The following SAMD5 variants were observed in gnomAD, a reference collection of about 807,000 sequenced individuals.
The protein encoded by SAMD5 is sterile alpha motif domain-containing protein 5.
Under a neutral mutation model 11.3 loss-of-function variants are expected in SAMD5, and 13 were observed. The ratio of observed to expected loss-of-function variants is 1.15; its 90% confidence interval spans 0.75 to 1.83. SAMD5 has a LOEUF of 1.83. Among genes scored for constraint, SAMD5 ranks in the 40% most tolerant of loss-of-function variants. SAMD5 has a pLI of 0.00. For synonymous variants in SAMD5, 129 were observed against 111.3 expected, an observed-to-expected ratio of 1.16 and a Z score of -1.00; for missense variants, 255 against 239.1, an observed-to-expected ratio of 1.07 and a Z score of -0.44.
the SAMD5 span, among the ~76,000 whole-genome samples, chr6:147,794,987 T>C: frequency 6.6e-6 from 1 of 151,972 alleles, no homozygotes; most frequent in African/African-American, 2.4e-5. Context: ...TTAAAGAGTA[T>C]GTACTATACA....
At chr6:147,610,783 G>A (rs1789771778) in intron 1 of SAMD5, among the ~76,000 whole-genome samples, 1 of 152,076 alleles carries the variant, frequency 6.6e-6, no homozygotes, top group East Asian at 1.9e-4. Flanking sequence ...CAGGATTTGG[G>A]GTTGAGCCCA....
the SAMD5 span, among the ~76,000 whole-genome samples, chr6:147,915,700 T>C: frequency 6.6e-6 from 1 of 152,204 alleles, no homozygotes; most frequent in Non-Finnish European, 1.5e-5. Flanking sequence ...AAGATTCTCT[T>C]TTTTCAAAGT....
At chr6:147,520,625 A>C (rs685322) in intron 1 of SAMD5, among the ~76,000 whole-genome samples, 62,536 of 152,060 alleles carry the variant, frequency 0.41, 13,668 homozygotes, top group African/African-American at 0.57. Context: ...GTCAGAATAT[A>C]TGTTTTATAC....
chr6:147,919,127 C>A, the SAMD5 span, among the ~76,000 whole-genome samples: 2 of 152,080 alleles, frequency 1.3e-5, no homozygotes, highest in Non-Finnish European at 2.9e-5. Flanking sequence ...TGGCAAATGG[C>A]GTAGTTTACA....
chr6:147,925,407 G>T, the SAMD5 span, among the ~76,000 whole-genome samples: 4 of 152,244 alleles, frequency 2.6e-5, no homozygotes, highest in South Asian at 2.1e-4. Context: ...ATGGCATTCT[G>T]TTACAGCAGC....
At chr6:147,772,159 T>G in the SAMD5 span, among the ~76,000 whole-genome samples, 1 of 152,202 alleles carries the variant, frequency 6.6e-6, no homozygotes, top group East Asian at 1.9e-4. Context: ...GCTTGCAATT[T>G]GCATCGAAAT....
At chr6:147,897,265 G>A in the SAMD5 span, among the ~76,000 whole-genome samples, 5 of 152,128 alleles carry the variant, frequency 3.3e-5, no homozygotes, top group Admixed American at 3.3e-4. Flanking sequence ...ACTAGAGGGG[G>A]GAAAAGATAA....
At chr6:147,913,701 A>T in the SAMD5 span, among the ~76,000 whole-genome samples, 1 of 151,918 alleles carries the variant, frequency 6.6e-6, no homozygotes, top group African/African-American at 2.4e-5. Flanking sequence ...GTCTCAAAAA[A>T]ACAACAACAA....
chr6:147,615,753 C>T (rs1789857123), intron 1 of SAMD5, among the ~76,000 whole-genome samples: 1 of 152,178 alleles, frequency 6.6e-6, no homozygotes, highest in African/African-American at 2.4e-5. Flanking sequence ...TCTTCCTCAA[C>T]AGAGTGGTAA....
intron 1 of SAMD5, among the ~76,000 whole-genome samples, chr6:147,652,275 G>GA (rs1790496176): frequency 8.3e-6 from 1 of 120,986 alleles, no homozygotes; most frequent in East Asian, 2.3e-4. Flanking sequence ...AATAGCTGAA[G>GA]GTTTTTTTGT....
chr6:147,876,913 TAATC>T, the SAMD5 span, among the ~76,000 whole-genome samples: 3 of 151,660 alleles, frequency 2.0e-5, no homozygotes, highest in Non-Finnish European at 4.4e-5. Flanking sequence ...TAAAATCAGA[TAATC>T]AAGGCATCAA....
chr6:147,799,715 G>A, the SAMD5 span, among the ~76,000 whole-genome samples: 2 of 151,044 alleles, frequency 1.3e-5, no homozygotes, highest in African/African-American at 2.4e-5. Context: ...CCAGTCAGAC[G>A]TAGATTTGGT....
At chr6:147,554,887 C>T (rs137991721) in intron 1 of SAMD5, among the ~76,000 whole-genome samples, 138 of 152,220 alleles carry the variant, frequency 9.1e-4, no homozygotes, top group African/African-American at 3.0e-3. Context: ...GTCCCCAAGG[C>T]CCTTTCAGGG....
chr6:147,783,204 C>T, the SAMD5 span, among the ~76,000 whole-genome samples: 1 of 152,038 alleles, frequency 6.6e-6, no homozygotes, highest in Non-Finnish European at 1.5e-5. Context: ...CTTATACTCT[C>T]TATGTGAGAT....
At chr6:147,779,003 C>T in the SAMD5 span, among the ~76,000 whole-genome samples, 27,810 of 127,560 alleles carry the variant, frequency 0.22, 3,345 homozygotes, top group African/African-American at 0.41. Context: ...TTTTTTTTTT[C>T]CAAATAAATC....
chr6:147,584,661 A>G (rs761393543), intron 1 of SAMD5, among the ~76,000 whole-genome samples: 2 of 152,222 alleles, frequency 1.3e-5, no homozygotes, highest in Non-Finnish European at 2.9e-5. Context: ...CATTTTATCA[A>G]TGATGAATTA....
the SAMD5 span, among the ~76,000 whole-genome samples, chr6:147,766,016 G>A: frequency 6.6e-6 from 1 of 151,616 alleles, no homozygotes; most frequent in Non-Finnish European, 1.5e-5. Flanking sequence ...AAATATTTGA[G>A]GAATATGCCC....
chr6:147,520,038 T>A (rs1788227980), intron 1 of SAMD5, among the ~76,000 whole-genome samples: 1 of 152,216 alleles, frequency 6.6e-6, no homozygotes, highest in Admixed American at 6.5e-5. Flanking sequence ...TGCCAATGAC[T>A]GTCTCACAGA....
chr6:147,808,502 C>G, the SAMD5 span, among the ~76,000 whole-genome samples: 1 of 152,188 alleles, frequency 6.6e-6, no homozygotes, highest in Non-Finnish European at 1.5e-5. Context: ...CTGCACCCAG[C>G]CTGGTTCAGC....
Sources: allele counts gnomAD v4.1 joint callset (sites outside exome capture counted in the v4.1 genomes callset), GRCh38; gene constraint gnomAD v4.1.1; transcripts MANE v1.5; gene names NCBI Gene and HGNC (gene_info 2026-07-23, HGNC 2026-07-21).